C10orf67: variants seen among roughly 807,000 people sequenced by gnomAD.
C10orf67 encodes the protein chromosome 10 open reading frame 67.
C10orf67 carries 60 observed loss-of-function variants against 35.6 expected under a neutral mutation model. The observed-to-expected ratio is 1.68, with a 90% confidence interval of 1.37 to 2.09. C10orf67 has a LOEUF of 2.09. C10orf67 is among the 30% of genes most tolerant of loss of function. The pLI is 0.00. For synonymous variants in C10orf67, 167 were observed against 115.8 expected, an observed-to-expected ratio of 1.44 and a Z score of -2.84; for missense variants, 474 against 330.2, an observed-to-expected ratio of 1.44 and a Z score of -3.38.
rs1019411310 is a variant in C10orf67 at position 23,209,381 on chromosome 10, C to T, written c.1571-5126G>A. 2.0e-5 allele frequency among the ~76,000 whole-genome samples: 3 copies of T among 151,666 alleles called. No individual in the cohort carries two copies. The South Asian group carries it at 6.3e-4, about 32-fold the overall frequency. On this transcript the variant is annotated intron_variant, in intron 15 of 15. Transcript: ENST00000636213. ...CAGGACAGGTTGGTGTCTTGGAGGT[C>T]AAGAGGAGAGCGTTTGGAGAATTAA...
chr10:23,254,281 C>T (rs997109291), intron 10 of C10orf67, among the ~76,000 whole-genome samples: 8 of 152,274 alleles, frequency 5.3e-5, no homozygotes, highest in Admixed American at 3.9e-4. Context: ...AATATCAGCT[C>T]ACTGCAACCT....
At chr10:23,227,618 T>C (rs1440619417) in intron 13 of C10orf67, among the ~76,000 whole-genome samples, 1 of 152,128 alleles carries the variant, frequency 6.6e-6, no homozygotes, top group Non-Finnish European at 1.5e-5. Context: ...AAATAAATGA[T>C]ACTTAATTTG....
chr10:23,308,513 A>G (rs1265013233), intron 4 of C10orf67, among the ~76,000 whole-genome samples: 2 of 152,218 alleles, frequency 1.3e-5, no homozygotes, highest in African/African-American at 4.8e-5. Context: ...CAAACTGGGC[A>G]TTTTATCAAT....
At chr10:23,253,111 G>A (rs1448923727) in intron 10 of C10orf67, among the ~76,000 whole-genome samples, 2 of 152,192 alleles carry the variant, frequency 1.3e-5, no homozygotes, top group Non-Finnish European at 2.9e-5. Context: ...CCCCAGCCAT[G>A]TGGAACTGAA....
intron 3 of C10orf67, 33 bp downstream of exon 3, chr10:23,322,361 C>T (rs751355157): frequency 7.5e-6 from 12 of 1,593,654 alleles, no homozygotes; most frequent in Admixed American, 1.7e-5. Context: ...AGTATCAATC[C>T]ACATAAAACA....
Position 23,315,360 on chromosome 10 carries a change from A to G in C10orf67, c.546+5381T>C, listed in dbSNP as rs1164376681. Among the ~76,000 whole-genome samples, 4 of 152,232 alleles carry G rather than the reference A, an allele frequency of 2.6e-5. No individual in the cohort carries two copies. The South Asian group carries it at 8.3e-4, about 32-fold the overall frequency. On this transcript the variant is annotated intron_variant, in intron 4 of 15. Transcript: ENST00000636213. ...AGCTATATTTTTGAACATTTGATAT[A>G]CATTAGAAATAGATCAATGTCCCAG...
intron 10 of C10orf67, among the ~76,000 whole-genome samples, chr10:23,255,450 G>C (rs117058274): frequency 0.023 from 3,559 of 152,262 alleles, 70 homozygotes; most frequent in Middle Eastern, 0.058. Context: ...GCTGATCCAG[G>C]CTATATGCAA....
At chr10:23,329,253 G>A (rs1262628539) in intron 2 of C10orf67, among the ~76,000 whole-genome samples, 1 of 151,440 alleles carries the variant, frequency 6.6e-6, no homozygotes, top group Non-Finnish European at 1.5e-5. Context: ...CATTTAAAAA[G>A]GAATATAACT....
intron 15 of C10orf67, among the ~76,000 whole-genome samples, chr10:23,217,033 A>G (rs1309415104): frequency 6.6e-6 from 1 of 152,222 alleles, no homozygotes; most frequent in Non-Finnish European, 1.5e-5. Flanking sequence ...TACATTAACT[A>G]TGTCTATAAA....
chr10:23,277,874 G>A (rs574820440), intron 8 of C10orf67, among the ~76,000 whole-genome samples: 35 of 152,254 alleles, frequency 2.3e-4, no homozygotes, highest in East Asian at 7.7e-4. Context: ...GGTTCTGCAC[G>A]CTGTACAGGA....
intron 2 of C10orf67, among the ~76,000 whole-genome samples, chr10:23,326,234 A>T (rs1220137516): frequency 2.0e-5 from 3 of 152,192 alleles, no homozygotes; most frequent in Non-Finnish European, 4.4e-5. Flanking sequence ...ACTTAGGTAC[A>T]TAATAATCAA....
intron 8 of C10orf67, among the ~76,000 whole-genome samples, chr10:23,278,181 A>G (rs1314836414): frequency 1.3e-5 from 2 of 152,220 alleles, no homozygotes; most frequent in Non-Finnish European, 2.9e-5. Flanking sequence ...ACACACATCC[A>G]AACTGTATCA....
At chr10:23,290,084 C>G (rs1343811307) in intron 6 of C10orf67, 126 bp from the exon 7 acceptor site, 1 of 607,350 alleles carries the variant, frequency 1.6e-6, no homozygotes, top group African/African-American at 1.9e-5. Context: ...CCTAGCAGGA[C>G]TGTGACCTTC....
chr10:23,211,873 C>T (rs1194096012), intron 15 of C10orf67, among the ~76,000 whole-genome samples: 1 of 151,986 alleles, frequency 6.6e-6, no homozygotes, highest in African/African-American at 2.4e-5. Context: ...AAAAGAAAAG[C>T]AAAAAGACAT....
At chr10:23,321,185 A>G (rs1844941950) in intron 3 of C10orf67, among the ~76,000 whole-genome samples, 1 of 152,230 alleles carries the variant, frequency 6.6e-6, no homozygotes, top group Non-Finnish European at 1.5e-5. Flanking sequence ...TATGCTCATG[A>G]AAAGAAATCT....
At chr10:23,326,558 G>C (rs1410156567) in intron 2 of C10orf67, among the ~76,000 whole-genome samples, 1 of 152,116 alleles carries the variant, frequency 6.6e-6, no homozygotes, top group Non-Finnish European at 1.5e-5. Context: ...AAATAATAAA[G>C]AGCAAAGGAA....
chr10:23,263,875 A>T (rs1842816976), intron 10 of C10orf67, among the ~76,000 whole-genome samples: 1 of 152,208 alleles, frequency 6.6e-6, no homozygotes, highest in African/African-American at 2.4e-5. Context: ...ATGTTGTGAA[A>T]TCGTTCATTA....
chr10:23,204,589 G>C (rs999891777), intron 15 of C10orf67, among the ~76,000 whole-genome samples: 3 of 152,190 alleles, frequency 2.0e-5, no homozygotes, highest in African/African-American at 7.2e-5. Flanking sequence ...AGCCGTTGTA[G>C]CAGAATAAAA....
intron 8 of C10orf67, 21 bp from the exon 9 acceptor site, chr10:23,267,275 AT>A (rs1364966909): frequency 4.3e-6 from 3 of 697,392 alleles, no homozygotes; most frequent in Admixed American, 4.5e-5. Flanking sequence ...GAAGACCCAT[AT>A]CATTGGTTAT....
Sources: gnomAD v4.1 joint callset for allele counts (sites outside exome capture counted in the v4.1 genomes callset) on GRCh38, gnomAD v4.1.1 for gene constraint, MANE v1.5 for transcripts, NCBI Gene and HGNC (gene_info 2026-07-23, HGNC 2026-07-21) for gene names.